The following ISM2 variants were observed in gnomAD, a reference collection of about 807,000 sequenced individuals.
ISM2 encodes the protein isthmin 2, also known as isthmin-2.
ISM2 carries 50 observed loss-of-function variants against 58.0 expected under a neutral mutation model. The observed-to-expected ratio is 0.86, with a 90% CI of 0.69 to 1.09. ISM2 has a LOEUF of 1.09. Ranked by LOEUF, ISM2 falls within the 50% of genes least tolerant of loss-of-function variation. The pLI is 0.00. For missense variants in ISM2, 723 were observed against 745.0 expected (o/e 0.97, Z 0.34); for synonymous variants, 303 against 312.4 (o/e 0.97, Z 0.32).
In ISM2 at chr14:77,475,694, G is replaced by A. The variant is rs781155069; in HGVS notation, c.1617C>T (p.Arg539=). 5.0e-6 allele frequency: 8 copies of A among 1,614,012 alleles called. No homozygotes were observed. The highest frequency in any genetic ancestry group is 5.1e-6 in the Non-Finnish European group (6 of 1,180,042). ...PWILCKGDWS[R]LHAVLPPNNG... Reference sequence around the variant, plus strand: ...TGTTGGGAGGGAGCACAGCGTGGAGGCGGCTCCAGTCCCCCTTGCACAGGA... The same window carrying A: ...TGTTGGGAGGGAGCACAGCGTGGAGACGGCTCCAGTCCCCCTTGCACAGGA... The change falls in exon 7 of 7, where the codon CGC becomes CGT. Residue 539 remains arginine (R), a synonymous_variant. Coordinates refer to ENST00000342219, the MANE Select transcript of ISM2 (RefSeq NM_199296.3). This position sits in a 1 kb window ranked among gnomAD's most constrained non-coding sequence, Gnocchi z 4.1.
In ISM2 at chr14:77,475,679, G is replaced by A; in HGVS notation, c.1632C>T (p.Leu544=). ...TGCAGGCTCGGCCGTTGTTGGGAGG[G>A]AGCACAGCGTGGAGGCGGCTCCAGT... ...KGDWSRLHAV[L]PPNNGRACTD... The change falls in exon 7 of 7, where the codon CTC becomes CTT. Residue 544 remains leucine (L), a synonymous_variant. Coordinates refer to ENST00000342219, the MANE Select transcript of ISM2 (RefSeq NM_199296.3). The surrounding 1 kb of genome is among the most constrained non-coding windows in gnomAD (Gnocchi z 4.1). The A allele has an allele frequency of 6.2e-7, 1 of 1,614,030 alleles. No individual in the cohort carries two copies. Among genetic ancestry groups the A allele is most frequent in the Admixed American group, 1.7e-5 (1 of 60,010 alleles).
chr14:77,485,745 G>A (rs751913036), intron 1 of ISM2, among the ~76,000 whole-genome samples: 20 of 152,270 alleles, frequency 1.3e-4, no homozygotes, highest in Middle Eastern at 3.4e-3. Context: ...ATGAGTCTCC[G>A]GGACCTGCCA....
chr14:77,478,391 C>T, intron 5 of ISM2, 66 bp from the exon 6 acceptor site: 2 of 1,463,506 alleles, frequency 1.4e-6, no homozygotes, highest in East Asian at 2.3e-5. Context: ...GATGGGGAAA[C>T]CCCCCCACCT....
intron 1 of ISM2, among the ~76,000 whole-genome samples, chr14:77,486,729 G>A (rs1487010184): frequency 6.6e-6 from 1 of 152,136 alleles, no homozygotes; most frequent in Non-Finnish European, 1.5e-5. Context: ...GCCTGGTGGT[G>A]GCTGGGCCTG....
At chr14:77,497,777 A>AGGAC (rs2079256160) in intron 1 of ISM2, among the ~76,000 whole-genome samples, 1 of 77,386 alleles carries the variant, frequency 1.3e-5, no homozygotes, top group Non-Finnish European at 2.4e-5. Context: ...GAGGGAAGGA[A>AGGAC]GGAAGGAAGG....
intron 3 of ISM2, chr14:77,482,932 G>A (rs2079141996): frequency 5.6e-6 from 2 of 359,184 alleles, no homozygotes; most frequent in Non-Finnish European, 9.9e-6. Flanking sequence ...TCTGGGCTGG[G>A]GCCAGGTATG....
chr14:77,476,626 C>T (rs909484566), intron 6 of ISM2, among the ~76,000 whole-genome samples: 3 of 152,160 alleles, frequency 2.0e-5, no homozygotes, highest in Admixed American at 1.3e-4. Flanking sequence ...ATGCTGCTCT[C>T]CTCCCCATCT....
rs370331721 is a variant in ISM2 at position 77,484,423 on chromosome 14, G to T, written c.527C>A (p.Thr176Lys). Reference protein sequence around the residue: ...EPAALTPGNATPPRTQEVTPL... With the variant: ...EPAALTPGNAKPPRTQEVTPL... Reference sequence around the variant, plus strand: ...AGTAACCTCCTGGGTCCTGGGAGGCGTGGCATTCCCTGGGGTCAGGGCTGC... The same window carrying T: ...AGTAACCTCCTGGGTCCTGGGAGGCTTGGCATTCCCTGGGGTCAGGGCTGC... The change falls in exon 3 of 7, where the codon ACG becomes AAG. Residue 176 changes from threonine to lysine, a missense_variant. Coordinates refer to ENST00000342219, the MANE Select transcript of ISM2 (RefSeq NM_199296.3). 6.2e-7 allele frequency: 1 copy of T among 1,612,986 alleles called. No homozygotes were observed. Among genetic ancestry groups the T allele is most frequent in the East Asian group, 2.2e-5 (1 of 44,836 alleles).
At chr14:77,497,031 C>T (rs1324907698) in intron 1 of ISM2, among the ~76,000 whole-genome samples, 1 of 151,470 alleles carries the variant, frequency 6.6e-6, no homozygotes, top group Non-Finnish European at 1.5e-5. Flanking sequence ...CACAATCTCC[C>T]ACACCCTGCA....
chr14:77,477,819 C>G (rs1241457939), intron 6 of ISM2, among the ~76,000 whole-genome samples: 3 of 152,206 alleles, frequency 2.0e-5, no homozygotes, highest in Non-Finnish European at 2.9e-5. Context: ...ACGCCTGCCC[C>G]ATGCCCAGCT....
chr14:77,486,455 A>G (rs2079168464), intron 1 of ISM2, among the ~76,000 whole-genome samples: 1 of 152,166 alleles, frequency 6.6e-6, no homozygotes, highest in Admixed American at 6.5e-5. Context: ...CCTCTAGTCT[A>G]GACAGCAGGG....
chr14:77,494,105 G>C (rs960296589), intron 1 of ISM2, among the ~76,000 whole-genome samples: 3 of 152,154 alleles, frequency 2.0e-5, no homozygotes, highest in Non-Finnish European at 2.9e-5. Flanking sequence ...CTTCAGATGA[G>C]CAGACTAGAA....
chr14:77,496,379 T>C (rs987267681), intron 1 of ISM2, among the ~76,000 whole-genome samples: 2 of 151,768 alleles, frequency 1.3e-5, no homozygotes, highest in Non-Finnish European at 1.5e-5. Context: ...TCCTAGCTAC[T>C]CGGGAGGCAG....
At position 77,485,570 on chromosome 14, in the gene ISM2, A is replaced by G. The variant is rs145492600; in HGVS notation, c.142-651T>C. ...CGGGACAGTCCTTGCTTCAGATCAG[A>G]TGGTAAGTGAAAAGCAGATCCATGT... On this transcript the variant is annotated intron_variant, in intron 1 of 6. Coordinates refer to ENST00000342219, the MANE Select transcript of ISM2 (RefSeq NM_199296.3). Among the ~76,000 whole-genome samples the G allele has an allele frequency of 2.0e-4, 31 of 152,360 alleles. 2 individuals are homozygous for G. The East Asian group carries it at 5.8e-3, about 28-fold the overall frequency.
At chr14:77,495,134 C>T (rs943257803) in intron 1 of ISM2, among the ~76,000 whole-genome samples, 1 of 152,102 alleles carries the variant, frequency 6.6e-6, no homozygotes, top group Non-Finnish European at 1.5e-5. Context: ...AAGCAATTCT[C>T]CCACCTTGGC....
chr14:77,497,367 C>CAAA lies in ISM2; in HGVS notation c.141+1283_141+1285dup, dbSNP rs35676781. ...TGGGCAACACAATGAGGCTCTGTCT[C>CAAA]AAAAAAAAAAAAAAAAAAAAAGGAA... On this transcript the variant is annotated intron_variant, in intron 1 of 6. Coordinates refer to ENST00000342219, the MANE Select transcript of ISM2 (RefSeq NM_199296.3). 2.7e-3 allele frequency among the ~76,000 whole-genome samples: 177 copies of CAAA among 64,692 alleles called. 4 individuals carry two copies. Among genetic ancestry groups the CAAA allele is most frequent in the East Asian group, 6.6e-3 (12 of 1,816 alleles). 42.4% of individuals were successfully genotyped at this position (64,692 alleles called of 152,430 possible). A position where few individuals can be genotyped will look rare whatever the true frequency, so the allele number is the denominator to read the frequency against.
intron 1 of ISM2, 87 bp downstream of exon 1, chr14:77,498,566 G>A (rs1321224266): frequency 2.2e-6 from 3 of 1,382,334 alleles, no homozygotes; most frequent in African/African-American, 3.1e-5. Context: ...TGTGTGTCCC[G>A]GTCCCGCTCC....
At chr14:77,496,835 A>T (rs2079244956) in intron 1 of ISM2, among the ~76,000 whole-genome samples, 1 of 121,336 alleles carries the variant, frequency 8.2e-6, no homozygotes, top group East Asian at 2.4e-4. Flanking sequence ...AAAAAAAAAA[A>T]ATTCATGGGG....
intron 3 of ISM2, 149 bp from the exon 4 acceptor site, chr14:77,482,816 C>A (rs904981897): frequency 1.8e-6 from 1 of 564,884 alleles, no homozygotes; most frequent in Non-Finnish European, 3.1e-6. Context: ...TTTTGGCTAA[C>A]CTTCCTGGCC....
Sources: gnomAD v4.1 joint callset for allele counts (sites outside exome capture counted in the v4.1 genomes callset) on GRCh38, gnomAD v4.1.1 for gene constraint, Gnocchi (gnomAD v3.1) non-coding constraint, MANE v1.5 for transcripts, NCBI Gene and HGNC (gene_info 2026-07-23, HGNC 2026-07-21) for gene names.